FGF14: variants seen among roughly 807,000 people sequenced by gnomAD.
FGF14 encodes the protein fibroblast growth factor homologous factor 4.
Under a neutral mutation model 25.5 loss-of-function variants are expected in FGF14, and 5 were observed. The observed-to-expected ratio is 0.20, with a 90% CI of 0.10 to 0.41. The LOEUF is 0.41. Among genes scored for constraint, FGF14 ranks in the 10% least tolerant of loss-of-function variants. The probability of loss-of-function intolerance (pLI) is 1.00; values close to 1 mark genes in which losing one functional copy is unlikely to be tolerated. For synonymous variants in FGF14, 138 were observed against 118.3 expected (o/e 1.17, Z -1.08); for missense variants, 222 against 320.1 (o/e 0.69, Z 2.34).
chr13:101,859,014 A>G (rs2044271573), intron 3 of FGF14, among the ~76,000 whole-genome samples: 3 of 152,070 alleles, frequency 2.0e-5, no homozygotes, highest in Admixed American at 2.0e-4. Context: ...GTGTCTGTGG[A>G]TTTATCATGC....
In FGF14 at chr13:102,299,220, C is replaced by T. The variant is rs148576800; in HGVS notation, c.208+102251G>A. On this transcript the variant is annotated intron_variant, in intron 1 of 4. Transcript: ENST00000376131. ...GTTATTTACAAATTCAGCTGTTCAC[C>T]GAAAACGAAAAGCTTCTTAAAAAAT... 7.2e-5 allele frequency among the ~76,000 whole-genome samples: 11 copies of T among 151,952 alleles called. No individual in the cohort carries two copies. In the East Asian group the frequency reaches 1.7e-3, roughly 24 times the overall value.
chr13:102,062,517 TA>T (rs1292115291), intron 1 of FGF14, among the ~76,000 whole-genome samples: 4 of 152,010 alleles, frequency 2.6e-5, no homozygotes, highest in African/African-American at 9.7e-5. Context: ...TTTCACTGAC[TA>T]AAAAAGAATG....
At chr13:101,943,252 TCTC>T (rs1010532632) in intron 1 of FGF14, among the ~76,000 whole-genome samples, 1 of 152,190 alleles carries the variant, frequency 6.6e-6, no homozygotes, top group African/African-American at 2.4e-5. Context: ...AGTATAATAC[TCTC>T]CTGTTTTAGA....
intron 1 of FGF14, among the ~76,000 whole-genome samples, chr13:102,283,650 A>G (rs1171021528): frequency 6.6e-6 from 1 of 152,248 alleles, no homozygotes; most frequent in African/African-American, 2.4e-5. Flanking sequence ...GATTTACAGT[A>G]AACAATTTCT....
chr13:101,900,586 C>T (rs572260757), intron 1 of FGF14, among the ~76,000 whole-genome samples: 9 of 152,220 alleles, frequency 5.9e-5, no homozygotes, highest in Admixed American at 2.0e-4. Flanking sequence ...AAAGTACATG[C>T]TGCATAACAT....
chr13:102,223,105 C>A, intron 1 of FGF14, among the ~76,000 whole-genome samples: 1 of 152,150 alleles, frequency 6.6e-6, no homozygotes, highest in East Asian at 1.9e-4. Context: ...ATATAGGTTT[C>A]AAATTACCTA....
intron 2 of FGF14, among the ~76,000 whole-genome samples, chr13:101,870,260 T>C (rs1215987312): frequency 1.3e-5 from 2 of 152,108 alleles, no homozygotes; most frequent in Non-Finnish European, 2.9e-5. Context: ...TATTCCTTCT[T>C]GGTGGGAGAT....
intron 1 of FGF14, among the ~76,000 whole-genome samples, chr13:102,121,711 G>A (rs955676753): frequency 2.0e-5 from 3 of 152,164 alleles, no homozygotes; most frequent in Non-Finnish European, 2.9e-5. Flanking sequence ...CGTAAGACTT[G>A]AAAGCGTGTC....
Position 102,155,015 on chromosome 13 carries a change from A to C in FGF14, c.208+246456T>G, listed in dbSNP as rs573209297. The stretch of plus-strand genomic sequence containing the variant: ...CAGGAGCATACAGATTCATAAAGCC[A>C]GTCCTTAGAGACCTATAAAGAGACT... On this transcript the variant is annotated intron_variant, in intron 1 of 4. Transcript: ENST00000376131. 6.6e-5 allele frequency among the ~76,000 whole-genome samples: 10 copies of C among 152,340 alleles called. No homozygotes were observed. In the South Asian group the frequency reaches 2.1e-3, roughly 32 times the overall value.
chr13:101,994,517 T>G (rs1054384103), intron 1 of FGF14, among the ~76,000 whole-genome samples: 3 of 152,130 alleles, frequency 2.0e-5, no homozygotes, highest in Middle Eastern at 3.4e-3. Context: ...TTACTTATTT[T>G]TACTCCAATT....
In FGF14 at chr13:101,953,848, T is replaced by C. The variant is rs540654086; in HGVS notation, c.209-78552A>G. On this transcript the variant is annotated intron_variant, in intron 1 of 4. Coordinates refer to the FGF14 transcript ENST00000376131. ...CAGGTGATCCACCCACCTCGGCCTC[T>C]CAAAGTGCTGGGGTTACAGGAGTGA... Among the ~76,000 whole-genome samples the C allele has an allele frequency of 3.3e-5, 5 of 152,052 alleles. 1 individual carries two copies. Among genetic ancestry groups the C allele is most frequent in the African/African-American group, 1.2e-4 (5 of 41,494 alleles).
At chr13:102,168,611 C>T (rs2048118295) in intron 1 of FGF14, among the ~76,000 whole-genome samples, 1 of 152,108 alleles carries the variant, frequency 6.6e-6, no homozygotes, top group Non-Finnish European at 1.5e-5. Flanking sequence ...TAAGAAATAG[C>T]CTTGTATAAA....
chr13:102,314,908 A>T (rs568789620), intron 1 of FGF14, among the ~76,000 whole-genome samples: 2 of 150,024 alleles, frequency 1.3e-5, no homozygotes, highest in Non-Finnish European at 3.0e-5. Context: ...AAATTTATAT[A>T]TAAAAATACA....
At chr13:102,390,880 A>G (rs2058416688) in intron 1 of FGF14, among the ~76,000 whole-genome samples, 1 of 152,194 alleles carries the variant, frequency 6.6e-6, no homozygotes, top group Non-Finnish European at 1.5e-5. Flanking sequence ...CCATGCCCTA[A>G]AAGTCATTTA....
chr13:101,920,793 C>G (rs2493586), upstream of FGF14, among the ~76,000 whole-genome samples: 61,560 of 152,014 alleles, frequency 0.4, 14,346 homozygotes, highest in East Asian at 0.73. Context: ...TTATTAACTA[C>G]ATTTGTGAAC....
At chr13:102,090,783 C>G (rs1379736539) in intron 1 of FGF14, among the ~76,000 whole-genome samples, 2 of 152,224 alleles carry the variant, frequency 1.3e-5, no homozygotes, top group Non-Finnish European at 2.9e-5. Context: ...GGCGAGATGC[C>G]TTCCTCAATG....
At chr13:101,959,468 C>T (rs2036708472) in intron 1 of FGF14, among the ~76,000 whole-genome samples, 1 of 152,048 alleles carries the variant, frequency 6.6e-6, no homozygotes, top group South Asian at 2.1e-4. Context: ...TCTTGAATGC[C>T]CTCCCTGACT....
At chr13:102,271,860 C>T (rs953231834) in intron 1 of FGF14, among the ~76,000 whole-genome samples, 1 of 152,100 alleles carries the variant, frequency 6.6e-6, no homozygotes, top group African/African-American at 2.4e-5. Context: ...ACCAGGTCAC[C>T]GTCGTTTCTC....
Position 101,722,324 on chromosome 13 carries a change from T to C in FGF14, c.*507A>G, listed in dbSNP as rs953565869. On this transcript the variant is annotated 3_prime_UTR_variant, in exon 5 of 5. Transcript: ENST00000376143. ...TTAAGATTTAGAGGAACAAAATCCCTGCAAAAGGTCACAGACAGTGGAGCG... is the reference window on the plus strand; with the variant it reads ...TTAAGATTTAGAGGAACAAAATCCCCGCAAAAGGTCACAGACAGTGGAGCG... The C allele has an allele frequency of 1.1e-5, 2 of 176,222 alleles. No individual in the cohort carries two copies. Among genetic ancestry groups the C allele is most frequent in the African/African-American group, 2.4e-5 (1 of 41,766 alleles). 10.9% of individuals were successfully genotyped at this position (176,222 alleles called of 1,614,324 possible).
Sources: gnomAD v4.1 joint callset for allele counts (sites outside exome capture counted in the v4.1 genomes callset) on GRCh38, gnomAD v4.1.1 for gene constraint, MANE v1.5 for transcripts, NCBI Gene and HGNC (gene_info 2026-07-23, HGNC 2026-07-21) for gene names.